UBA52: variants seen among roughly 807,000 people sequenced by gnomAD.
UBA52 encodes ubiquitin-ribosomal protein eL40 fusion protein.
UBA52 carries 1 observed loss-of-function variant against 15.3 expected under a neutral mutation model. The observed-to-expected ratio is 0.07, with a 90% CI of 0.02 to 0.31. The LOEUF (loss-of-function observed/expected upper bound fraction) is 0.31, where lower values mean the gene tolerates loss of function less well. Among genes scored for constraint, UBA52 ranks in the 10% least tolerant of loss-of-function variants. The pLI is 1.00. For missense variants in UBA52, 87 were observed against 168.0 expected, an observed-to-expected ratio of 0.52 and a Z score of 2.66; for synonymous variants, 50 against 58.3, an observed-to-expected ratio of 0.86 and a Z score of 0.65.
chr19:18,574,316 CAG>C (rs1975669015), intron 3 of UBA52, among the ~76,000 whole-genome samples: 2 of 151,800 alleles, frequency 1.3e-5, no homozygotes, highest in Admixed American at 6.6e-5. Context: ...TTTTGTGAGA[CAG>C]AGTCTTACTC....
At chr19:18,573,425 G>A (rs750078855) in intron 2 of UBA52, 22 bp downstream of exon 2, 1 of 1,600,420 alleles carries the variant, frequency 6.2e-7, no homozygotes, top group Non-Finnish European at 8.6e-7. Flanking sequence ...TGGGTGTGGG[G>A]GCTCTGGCTG....
chr19:18,567,467 A>G, upstream of UBA52: 3 of 710,360 alleles, frequency 4.2e-6, no homozygotes, highest in Non-Finnish European at 7.7e-6. Context: ...CCATCTCAGA[A>G]CAGAGCACGG....
the UBA52 span, among the ~76,000 whole-genome samples, chr19:18,564,076 G>A: frequency 6.6e-6 from 1 of 152,068 alleles, no homozygotes; most frequent in African/African-American, 2.4e-5. Flanking sequence ...TGGTAGAGAC[G>A]CGGTTTTCCC....
Position 18,575,968 on chromosome 19 carries a change from G to C in UBA52, c.*818G>C, listed in dbSNP as rs1024057381. 6.6e-6 allele frequency: 1 copy of C among 152,232 alleles called. No individual in the cohort carries two copies. The highest frequency in any genetic ancestry group is 1.5e-5 in the Non-Finnish European group (1 of 68,106). The allele number at this position is 152,232 out of a possible 1,614,324, so 9.4% of individuals were successfully genotyped here. On this transcript the variant is annotated 3_prime_UTR_variant, in exon 5 of 5. Transcript: ENST00000442744. ...TCACTGGGTTAGCCAGGTTGGTCTC[G>C]ATCTCCTGACCTTGTGATCCATTCG...
chr19:18,574,755 G>T, intron 3 of UBA52, 115 bp from the exon 4 acceptor site: 2 of 1,304,626 alleles, frequency 1.5e-6, no homozygotes, highest in Non-Finnish European at 2.1e-6. Flanking sequence ...ATCCCGACTT[G>T]GTGTCCCCAT....
upstream of UBA52, chr19:18,571,638 G>C (rs1258848885): frequency 6.6e-6 from 1 of 152,308 alleles, no homozygotes; most frequent in Non-Finnish European, 1.5e-5. Flanking sequence ...ACGCAAACAC[G>C]GGGAGAGGTG....
chr19:18,571,333 C>T (rs1975472626), upstream of UBA52, among the ~76,000 whole-genome samples: 1 of 141,870 alleles, frequency 7.0e-6, no homozygotes, highest in Admixed American at 6.9e-5. Flanking sequence ...AAAAAAAATC[C>T]TGAGTCCCGC....
In UBA52 at chr19:18,572,726, A is replaced by G. The variant is rs181907624; in HGVS notation, c.-8-567A>G. The G allele has an allele frequency of 2.4e-3, 2,268 of 950,400 alleles. 5 individuals are homozygous for G. Among genetic ancestry groups the G allele is most frequent in the Non-Finnish European group, 2.6e-3 (2,099 of 795,634 alleles). 58.9% of individuals were successfully genotyped at this position (950,400 alleles called of 1,614,324 possible). A position where few individuals can be genotyped will look rare whatever the true frequency, so the allele number is the denominator to read the frequency against. ...ATGTTCGTGGTTTGGGGTCAAGGCA[A>G]GAAGTGGGGTCTGGAGAGTTTTGGT... On this transcript the variant is annotated intron_variant, in intron 1 of 4. Transcript: ENST00000442744.
chr19:18,568,348 C>A, upstream of UBA52: 2 of 1,351,000 alleles, frequency 1.5e-6, no homozygotes, highest in Non-Finnish European at 2.1e-6. Flanking sequence ...ATAAGTCCTA[C>A]ATCACAGAGC....
chr19:18,568,548 G>A (rs746447208), upstream of UBA52: 12 of 1,613,804 alleles, frequency 7.4e-6, no homozygotes, highest in African/African-American at 5.3e-5. Context: ...CCCCGGCTTC[G>A]AGGACCTGTC....
upstream of UBA52, among the ~76,000 whole-genome samples, chr19:18,570,083 G>A (rs112603859): frequency 3.0e-4 from 46 of 152,308 alleles, 2 homozygotes; most frequent in African/African-American, 1.1e-3. Flanking sequence ...AGACGTGAGA[G>A]TGTCTGCTTT....
At chr19:18,567,288 C>A, upstream of UBA52, 1 of 1,153,328 alleles carries the variant, frequency 8.7e-7, no homozygotes, top group Non-Finnish European at 1.3e-6. Flanking sequence ...CTGTAATGGG[C>A]AGTGGGTCTG....
chr19:18,572,933 G>A, intron 1 of UBA52: 2 of 1,106,960 alleles, frequency 1.8e-6, no homozygotes, highest in Non-Finnish European at 2.2e-6. Context: ...CTTCAGGGAA[G>A]ATGGATCTAG....
upstream of UBA52, chr19:18,567,058 G>T: frequency 7.0e-7 from 1 of 1,428,338 alleles, no homozygotes. Context: ...CTGGCAGCAG[G>T]GGCTTGTGGC....
intron 4 of UBA52, 37 bp from the exon 5 acceptor site, chr19:18,575,020 G>A (rs1193966599): frequency 6.2e-7 from 1 of 1,614,096 alleles, no homozygotes; most frequent in Admixed American, 1.7e-5. Context: ...GCCGGAGTCG[G>A]GGTATGCCCT....
intron 1 of UBA52, chr19:18,572,332 C>T (rs1975536014): frequency 6.6e-6 from 1 of 152,158 alleles, no homozygotes; most frequent in Admixed American, 6.6e-5. Context: ...TTTCTTTAGA[C>T]TATTTGTATT....
chr19:18,565,272 C>A, the UBA52 span: 1 of 1,104,398 alleles, frequency 9.1e-7, no homozygotes, highest in Non-Finnish European at 1.2e-6. Flanking sequence ...CTCTGTTGCC[C>A]AGGCTGGAGT....
upstream of UBA52, among the ~76,000 whole-genome samples, chr19:18,569,975 G>A (rs1975423811): frequency 6.6e-6 from 1 of 152,102 alleles, no homozygotes; most frequent in Non-Finnish European, 1.5e-5. Flanking sequence ...AGGTTGCAGT[G>A]AGCCAAGATC....
upstream of UBA52, among the ~76,000 whole-genome samples, chr19:18,571,050 T>G (rs559541793): frequency 5.1e-4 from 77 of 150,650 alleles, no homozygotes; most frequent in African/African-American, 1.9e-3. Context: ...GTGGCTCACG[T>G]CTGTAATCCC....
Sources: allele counts gnomAD v4.1 joint callset (sites outside exome capture counted in the v4.1 genomes callset), GRCh38; gene constraint gnomAD v4.1.1; transcripts MANE v1.5; gene names NCBI Gene and HGNC (gene_info 2026-07-23, HGNC 2026-07-21).